The following DPP10 variants were observed in gnomAD, a reference collection of about 807,000 sequenced individuals.
DPP10 encodes the protein dipeptidyl peptidase like 10.
In DPP10, 33 loss-of-function variants were observed where a neutral mutation model predicts 120.9. That is an observed-to-expected ratio of 0.27 (90% CI 0.21 to 0.37). The LOEUF is 0.37. DPP10 is among the 10% of genes least tolerant of loss of function. The pLI, the probability that DPP10 is intolerant of heterozygous loss-of-function variation, is 1.00. For missense variants in DPP10, 816 were observed against 942.8 expected, an observed-to-expected ratio of 0.87 and a Z score of 1.76; for synonymous variants, 337 against 326.1, an observed-to-expected ratio of 1.03 and a Z score of -0.36.
At chr2:114,604,031 G>T (rs1046768528) in intron 1 of DPP10, among the ~76,000 whole-genome samples, 2 of 152,026 alleles carry the variant, frequency 1.3e-5, no homozygotes, top group Non-Finnish European at 2.9e-5. Context: ...CTCCGGTGGG[G>T]TCACACAGGA....
chr2:114,623,639 A>T (rs1233397236), intron 1 of DPP10, among the ~76,000 whole-genome samples: 1 of 152,108 alleles, frequency 6.6e-6, no homozygotes, highest in East Asian at 1.9e-4. Context: ...AGCAAAAATG[A>T]CCTATAAAAT....
At chr2:114,695,725 T>C (rs552555959) in intron 1 of DPP10, among the ~76,000 whole-genome samples, 165 of 152,196 alleles carry the variant, frequency 1.1e-3, no homozygotes, top group African/African-American at 3.9e-3. Flanking sequence ...CCAGGGAGAA[T>C]TACATTTCAA....
intron 1 of DPP10, among the ~76,000 whole-genome samples, chr2:114,879,702 A>G (rs1323814276): frequency 6.6e-6 from 1 of 151,948 alleles, no homozygotes; most frequent in African/African-American, 2.4e-5. Flanking sequence ...AATTGAAAGA[A>G]AAAAAACAGA....
chr2:114,867,495 C>T (rs957866647), intron 1 of DPP10, among the ~76,000 whole-genome samples: 14 of 152,094 alleles, frequency 9.2e-5, no homozygotes, highest in Non-Finnish European at 1.6e-4. Flanking sequence ...CCAATTATGT[C>T]GCTACAAGTT....
intron 1 of DPP10, among the ~76,000 whole-genome samples, chr2:114,686,062 C>T (rs1699345636): frequency 6.6e-6 from 1 of 151,888 alleles, no homozygotes; most frequent in Admixed American, 6.6e-5. Flanking sequence ...GCATGCTCTT[C>T]TGACCTGGAA....
At chr2:114,986,328 T>C (rs1297036807) in intron 1 of DPP10, among the ~76,000 whole-genome samples, 1 of 152,206 alleles carries the variant, frequency 6.6e-6, no homozygotes, top group African/African-American at 2.4e-5. Flanking sequence ...CCTTTTCAAC[T>C]ACAGCTGGGT....
intron 3 of DPP10, among the ~76,000 whole-genome samples, chr2:115,380,136 A>G (rs1384202038): frequency 2.0e-5 from 3 of 152,076 alleles, no homozygotes; most frequent in African/African-American, 4.8e-5. Context: ...TGATCTGTCT[A>G]ATGTTGACAG....
chr2:115,800,904 A>C (rs1209452842), intron 19 of DPP10, among the ~76,000 whole-genome samples: 3 of 151,582 alleles, frequency 2.0e-5, no homozygotes, highest in Admixed American at 1.3e-4. Flanking sequence ...CTTAGGATTG[A>C]CTTGGCAATG....
intron 1 of DPP10, among the ~76,000 whole-genome samples, chr2:114,856,334 G>A (rs1689366023): frequency 6.6e-6 from 1 of 152,094 alleles, no homozygotes; most frequent in South Asian, 2.1e-4. Context: ...AAATCCTCTT[G>A]AAATTGTCTT....
At chr2:114,940,006 A>G (rs1215250858) in intron 1 of DPP10, among the ~76,000 whole-genome samples, 1 of 152,162 alleles carries the variant, frequency 6.6e-6, no homozygotes. Flanking sequence ...ATTGCTATCC[A>G]TAGTAAGAGA....
chr2:115,768,401 C>G lies in DPP10; in HGVS notation c.1218C>G (p.Ile406Met), dbSNP rs1369269730. The change falls in exon 13 of 26, where the codon ATC becomes ATG. Residue 406 changes from isoleucine to methionine, a missense_variant. This residue lies in a region of DPP10 where 592 missense variants were observed against 649.0 expected (regional missense o/e 0.91). Transcript: ENST00000410059. ...TTCACCACGTAGCTATGTTCCTCAT[C>G]CAGGTAAGTGCTGGCTTTTTTCCAT... ...GEFHHVAMFL[I>M]QSKSEQITVR... The G allele has an allele frequency of 1.9e-6, 3 of 1,611,864 alleles. No individual in the cohort carries two copies. Among genetic ancestry groups the G allele is most frequent in the Non-Finnish European group, 2.5e-6 (3 of 1,178,494 alleles).
chr2:114,839,414 A>T (rs1390524853), intron 1 of DPP10, among the ~76,000 whole-genome samples: 3 of 152,204 alleles, frequency 2.0e-5, no homozygotes, highest in African/African-American at 7.2e-5. Context: ...TACTATGTAC[A>T]TTAAATTCTA....
At chr2:115,132,076 T>C (rs1267110990) in intron 1 of DPP10, among the ~76,000 whole-genome samples, 4 of 151,828 alleles carry the variant, frequency 2.6e-5, no homozygotes, top group African/African-American at 9.7e-5. Context: ...GGCGACAGAG[T>C]GGCGCCATCT....
intron 1 of DPP10, among the ~76,000 whole-genome samples, chr2:114,620,467 A>T (rs970744166): frequency 6.6e-6 from 1 of 152,042 alleles, no homozygotes; most frequent in African/African-American, 2.4e-5. Context: ...GACTGACATT[A>T]TGATGGTTTA....
chr2:114,986,418 C>A (rs773827994), intron 1 of DPP10, among the ~76,000 whole-genome samples: 8 of 152,172 alleles, frequency 5.3e-5, no homozygotes, highest in Non-Finnish European at 1.2e-4. Flanking sequence ...CATTAATGTT[C>A]TTTCCACCAT....
intron 1 of DPP10, among the ~76,000 whole-genome samples, chr2:115,257,288 A>G (rs182713328): frequency 1.3e-5 from 2 of 152,302 alleles, no homozygotes; most frequent in African/African-American, 4.8e-5. Context: ...GTATTAGGAC[A>G]TTCTCGTGTT....
intron 1 of DPP10, among the ~76,000 whole-genome samples, chr2:114,654,010 G>C (rs1696798047): frequency 6.6e-6 from 1 of 152,106 alleles, no homozygotes; most frequent in Non-Finnish European, 1.5e-5. Flanking sequence ...GATGTTATCA[G>C]TGTTAACACA....
chr2:114,689,064 A>G (rs1699561080), intron 1 of DPP10, among the ~76,000 whole-genome samples: 1 of 149,794 alleles, frequency 6.7e-6, no homozygotes. Flanking sequence ...TTTAATTTCT[A>G]GTTTTTTTTT....
chr2:114,704,274 C>T (rs1039819098), intron 1 of DPP10, among the ~76,000 whole-genome samples: 2 of 152,016 alleles, frequency 1.3e-5, no homozygotes, highest in African/African-American at 4.8e-5. Context: ...GGAAAGGATC[C>T]GTGTGGCCTG....
Sources: gnomAD v4.1 joint callset for allele counts (sites outside exome capture counted in the v4.1 genomes callset) on GRCh38, gnomAD v4.1.1 for gene constraint, gnomAD v4.1.1 regional missense constraint, MANE v1.5 for transcripts, NCBI Gene and HGNC (gene_info 2026-07-23, HGNC 2026-07-21) for gene names.